Variants in DCLK1 observed in about 807,000 individuals in gnomAD.
DCLK1 encodes the protein serine/threonine-protein kinase DCLK1.
Under a neutral mutation model 86.2 loss-of-function variants are expected in DCLK1, and 16 were observed. The observed-to-expected ratio is 0.19, with a 90% CI of 0.13 to 0.28. DCLK1 has a LOEUF of 0.28. Among genes scored for constraint, DCLK1 ranks in the 10% least tolerant of loss-of-function variants. DCLK1 has a pLI of 1.00. For synonymous variants in DCLK1, 369 were observed against 370.5 expected, an observed-to-expected ratio of 1.00 and a Z score of 0.05; for missense variants, 590 against 940.2, an observed-to-expected ratio of 0.63 and a Z score of 4.87.
intron 4 of DCLK1, among the ~76,000 whole-genome samples, chr13:35,917,823 G>T (rs768126397): frequency 6.6e-6 from 1 of 151,740 alleles, no homozygotes; most frequent in African/African-American, 2.4e-5. Context: ...GGGGCAGGGC[G>T]GGGAGGCCTC....
At chr13:35,777,874 C>T (rs1451701080) in intron 16 of DCLK1, among the ~76,000 whole-genome samples, 2 of 152,240 alleles carry the variant, frequency 1.3e-5, no homozygotes, top group African/African-American at 4.8e-5. Context: ...CTTCTTCCTT[C>T]TCTGTTTCCA....
intron 5 of DCLK1, among the ~76,000 whole-genome samples, chr13:35,859,026 T>G (rs558274428): frequency 1.2e-4 from 18 of 152,350 alleles, no homozygotes; most frequent in Non-Finnish European, 2.4e-4. Flanking sequence ...ATGTACTGAG[T>G]ACACTTGGTT....
At chr13:36,105,949 C>A (rs538324260) in intron 3 of DCLK1, among the ~76,000 whole-genome samples, 1 of 152,292 alleles carries the variant, frequency 6.6e-6, no homozygotes, top group East Asian at 1.9e-4. Context: ...AGCAAGAGAA[C>A]TCACCACCAG....
At chr13:36,015,675 G>C (rs1425817078) in intron 3 of DCLK1, among the ~76,000 whole-genome samples, 1 of 152,032 alleles carries the variant, frequency 6.6e-6, no homozygotes, top group Non-Finnish European at 1.5e-5. Context: ...CCAGCCATTA[G>C]CCCATACTAC....
intron 4 of DCLK1, among the ~76,000 whole-genome samples, chr13:35,934,976 A>T (rs1876677056): frequency 6.6e-6 from 1 of 152,184 alleles, no homozygotes; most frequent in East Asian, 1.9e-4. Flanking sequence ...AAAAAGAATG[A>T]GAAATCAGTA....
intron 3 of DCLK1, among the ~76,000 whole-genome samples, chr13:36,044,923 C>T (rs1042311833): frequency 2.3e-4 from 35 of 151,994 alleles, no homozygotes; most frequent in African/African-American, 7.7e-4. Flanking sequence ...ACAGGTAAAG[C>T]CTCTGCTTTG....
At chr13:35,944,311 C>T (rs797019537) in intron 4 of DCLK1, among the ~76,000 whole-genome samples, 6 of 152,230 alleles carry the variant, frequency 3.9e-5, no homozygotes, top group African/African-American at 1.4e-4. Context: ...TTCTTGGCAC[C>T]TTAAATGAAG....
At chr13:35,880,690 C>T (rs1225866817) in intron 4 of DCLK1, among the ~76,000 whole-genome samples, 1 of 152,190 alleles carries the variant, frequency 6.6e-6, no homozygotes, top group African/African-American at 2.4e-5. Context: ...AACCCAACCT[C>T]ATTGGCATTA....
At chr13:35,911,761 G>T (rs76451814) in intron 4 of DCLK1, among the ~76,000 whole-genome samples, 2,281 of 152,280 alleles carry the variant, frequency 0.015, 28 homozygotes, top group South Asian at 0.056. Flanking sequence ...GGACTTTAGT[G>T]GTCAGTCATC....
chr13:36,016,126 C>T (rs138078392), intron 3 of DCLK1, among the ~76,000 whole-genome samples: 1 of 152,248 alleles, frequency 6.6e-6, no homozygotes, highest in African/African-American at 2.4e-5. Context: ...GTAAAATTCA[C>T]ATTTCGTGTT....
intron 3 of DCLK1, among the ~76,000 whole-genome samples, chr13:36,105,946 G>A (rs752207034): frequency 6.6e-6 from 1 of 152,120 alleles, no homozygotes; most frequent in African/African-American, 2.4e-5. Flanking sequence ...AGAAGCAAGA[G>A]AACTCACCAC....
At chr13:36,075,983 C>A (rs1884195885) in intron 3 of DCLK1, among the ~76,000 whole-genome samples, 1 of 152,146 alleles carries the variant, frequency 6.6e-6, no homozygotes, top group South Asian at 2.1e-4. Context: ...TGAGACTGCA[C>A]CACTGCACTC....
At chr13:35,880,136 C>T (rs1271447964) in intron 4 of DCLK1, among the ~76,000 whole-genome samples, 3 of 152,186 alleles carry the variant, frequency 2.0e-5, no homozygotes, top group South Asian at 2.1e-4. Flanking sequence ...AACTGAGTTT[C>T]GGGCTTTACA....
chr13:35,962,014 TGTTATA>T (rs1878487669), intron 3 of DCLK1, among the ~76,000 whole-genome samples: 1 of 152,240 alleles, frequency 6.6e-6, no homozygotes, highest in Non-Finnish European at 1.5e-5. Context: ...TTATTTGTAG[TGTTATA>T]CTGCCCTTCA....
chr13:36,113,165 A>G (rs990496347), intron 2 of DCLK1, among the ~76,000 whole-genome samples: 12 of 152,238 alleles, frequency 7.9e-5, no homozygotes, highest in South Asian at 4.1e-4. Context: ...AAAATGACCG[A>G]GGCCTAATCT....
chr13:36,115,328 T>TAAAAAAAA (rs10627322), intron 2 of DCLK1, among the ~76,000 whole-genome samples: 13 of 151,632 alleles, frequency 8.6e-5, no homozygotes, highest in African/African-American at 2.9e-4. Flanking sequence ...GAATTTATCT[T>TAAAAAAAA]AAACAAACAA....
chr13:36,114,308 A>G (rs9575307), intron 2 of DCLK1, among the ~76,000 whole-genome samples: 51,157 of 152,118 alleles, frequency 0.34, 9,309 homozygotes, highest in East Asian at 0.71. Context: ...TCAAGCAACA[A>G]TGATCAGAAG....
intron 4 of DCLK1, among the ~76,000 whole-genome samples, chr13:35,877,609 T>C (rs1406945250): frequency 6.6e-6 from 1 of 152,198 alleles, no homozygotes; most frequent in Non-Finnish European, 1.5e-5. Context: ...CCAACCAGCA[T>C]AAAAGCACTC....
At chr13:35,827,475 G>A (rs1868572400) in intron 10 of DCLK1, among the ~76,000 whole-genome samples, 160 bp downstream of exon 10, 1 of 152,180 alleles carries the variant, frequency 6.6e-6, no homozygotes, top group East Asian at 1.9e-4. Flanking sequence ...TGGGACTTGA[G>A]CCCTTGTGTA....
Sources: gnomAD v4.1 joint callset for allele counts (sites outside exome capture counted in the v4.1 genomes callset) on GRCh38, gnomAD v4.1.1 for gene constraint, MANE v1.5 for transcripts, NCBI Gene and HGNC (gene_info 2026-07-23, HGNC 2026-07-21) for gene names.